The following HS3ST4 variants were observed in gnomAD, a reference collection of about 807,000 sequenced individuals.
HS3ST4 encodes heparan sulfate-glucosamine 3-sulfotransferase 4.
A neutral mutation model predicts 29.2 loss-of-function variants in HS3ST4; 17 were observed. The ratio of observed to expected loss-of-function variants is 0.58; its 90% CI spans 0.40 to 0.87. The LOEUF is 0.87. Among genes scored for constraint, HS3ST4 ranks in the 40% least tolerant of loss-of-function variants. The pLI, the probability that HS3ST4 is intolerant of heterozygous loss-of-function variation, is 0.00. For missense variants in HS3ST4, 627 were observed against 634.5 expected, an observed-to-expected ratio of 0.99 and a Z score of 0.13; for synonymous variants, 314 against 285.7, an observed-to-expected ratio of 1.10 and a Z score of -1.00.
intron 1 of HS3ST4, among the ~76,000 whole-genome samples, chr16:25,761,670 C>T (rs780366589): frequency 2.0e-5 from 3 of 152,160 alleles, no homozygotes; most frequent in African/African-American, 7.2e-5. Flanking sequence ...AAACAAAAGG[C>T]AGAGCATGTG....
At position 25,831,043 on chromosome 16, in the gene HS3ST4, G is replaced by T. The variant is rs189607588; in HGVS notation, c.734+137892G>T. 2.4e-4 allele frequency among the ~76,000 whole-genome samples: 36 copies of T among 152,268 alleles called. No homozygotes were observed. In the East Asian group the frequency reaches 6.6e-3, roughly 28 times the overall value. On this transcript the variant is annotated intron_variant, in intron 1 of 1. Transcript: ENST00000331351. ...CCTGCACTTCAGCCACCTGACTTTA[G>T]TCTTCTTTCCTTCTTCAGGCCTTTG...
chr16:25,692,614 A>G lies in HS3ST4; in HGVS notation c.197A>G (p.Gln66Arg), dbSNP rs867542564. Residue 66 changes from glutamine to arginine, a missense_variant, in exon 1 of 2, where the codon CAG (glutamine) becomes CGG (arginine). Gln to Arg is a conservative substitution (Grantham distance 43). Around this residue, in one of 2 missense-constraint regions of HS3ST4, gnomAD observed 402 missense variants for 340.8 expected, o/e 1.18. Coordinates refer to ENST00000331351, the MANE Select transcript of HS3ST4 (RefSeq NM_006040.3). ...SGSLQFPLAL[Q>R]ESPGAAAEPP... Reference sequence around the variant, plus strand: ...TCCCTGCAATTCCCTCTGGCGCTGCAGGAGTCGCCGGGCGCCGCCGCCGAG... The same window carrying G: ...TCCCTGCAATTCCCTCTGGCGCTGCGGGAGTCGCCGGGCGCCGCCGCCGAG... 2 of 1,378,810 alleles carry G rather than the reference A, an allele frequency of 1.5e-6. No homozygotes were observed. The allele number at this position is 1,378,810 out of a possible 1,614,324, so 85.4% of individuals were successfully genotyped here.
intron 1 of HS3ST4, among the ~76,000 whole-genome samples, chr16:25,913,658 G>A (rs924435236): frequency 2.0e-5 from 3 of 152,210 alleles, no homozygotes; most frequent in African/African-American, 4.8e-5. Flanking sequence ...GAGAAGAAAG[G>A]AAGGGTTACT....
intron 1 of HS3ST4, among the ~76,000 whole-genome samples, chr16:25,761,097 G>A (rs1322074657): frequency 2.6e-5 from 4 of 152,206 alleles, no homozygotes; most frequent in Admixed American, 6.5e-5. Flanking sequence ...AAGGAGTCAG[G>A]TTGGAATCAG....
At chr16:25,852,507 A>G (rs1424216586) in intron 1 of HS3ST4, among the ~76,000 whole-genome samples, 2 of 151,582 alleles carry the variant, frequency 1.3e-5, no homozygotes, top group African/African-American at 4.8e-5. Context: ...TTAGCTATTT[A>G]TATTTCTTTA....
At chr16:25,764,408 A>C (rs555392146) in intron 1 of HS3ST4, among the ~76,000 whole-genome samples, 1 of 152,342 alleles carries the variant, frequency 6.6e-6, no homozygotes, top group Admixed American at 6.5e-5. Flanking sequence ...GCTAGGGATC[A>C]CATACAGCCA....
rs117457156 is a variant in HS3ST4, at chr16:25,870,926, C to A, written c.734+177775C>A. Among the ~76,000 whole-genome samples the A allele has an allele frequency of 8.9e-3, 1,362 of 152,232 alleles. 10 individuals carry two copies. The highest frequency in any genetic ancestry group is 0.016 in the Non-Finnish European group (1,087 of 68,000). On this transcript the variant is annotated intron_variant, in intron 1 of 1. Coordinates refer to ENST00000331351, the MANE Select transcript of HS3ST4 (RefSeq NM_006040.3). ...GAGATGATGCCTGTTCCAATCTATC[C>A]TGATCCACAAAGAAAGGAGACAAAT...
At chr16:25,829,179 C>T (rs1415029031) in intron 1 of HS3ST4, among the ~76,000 whole-genome samples, 1 of 152,196 alleles carries the variant, frequency 6.6e-6, no homozygotes, top group Non-Finnish European at 1.5e-5. Context: ...AGACAGATAA[C>T]ACTTGATTGG....
At chr16:26,120,428 G>A (rs928787703) in intron 1 of HS3ST4, among the ~76,000 whole-genome samples, 2 of 152,218 alleles carry the variant, frequency 1.3e-5, no homozygotes, top group African/African-American at 2.4e-5. Flanking sequence ...TCAAGGACAA[G>A]ATAGAAGGCT....
intron 1 of HS3ST4, among the ~76,000 whole-genome samples, chr16:25,850,936 A>G (rs923281663): frequency 1.3e-5 from 2 of 152,198 alleles, no homozygotes; most frequent in Non-Finnish European, 2.9e-5. Context: ...CTGTTGGCCC[A>G]TTACAAAGTC....
chr16:25,822,393 C>T (rs1488059574), intron 1 of HS3ST4, among the ~76,000 whole-genome samples: 2 of 152,108 alleles, frequency 1.3e-5, no homozygotes, highest in Non-Finnish European at 2.9e-5. Context: ...ATACTACCAC[C>T]TCGGGGAGTT....
chr16:26,013,877 G>A (rs918480155), intron 1 of HS3ST4, among the ~76,000 whole-genome samples: 11 of 152,152 alleles, frequency 7.2e-5, no homozygotes, highest in African/African-American at 2.6e-4. Flanking sequence ...GGGTGTGGTG[G>A]CATGCCCGTA....
chr16:26,014,263 C>A (rs4346208), intron 1 of HS3ST4, among the ~76,000 whole-genome samples: 1 of 151,980 alleles, frequency 6.6e-6, no homozygotes, highest in Non-Finnish European at 1.5e-5. Flanking sequence ...GTGCCTGACA[C>A]ATTGTGGACA....
chr16:25,749,744 G>A (rs558944269), intron 1 of HS3ST4, among the ~76,000 whole-genome samples: 5 of 152,226 alleles, frequency 3.3e-5, no homozygotes, highest in Admixed American at 2.0e-4. Context: ...AAATGGGTCT[G>A]GAAACATAGA....
At chr16:25,849,644 A>C (rs1434274668) in intron 1 of HS3ST4, among the ~76,000 whole-genome samples, 1 of 152,042 alleles carries the variant, frequency 6.6e-6, no homozygotes, top group Non-Finnish European at 1.5e-5. Context: ...AGCTGGCATT[A>C]CAGGTGTGTG....
chr16:26,057,296 G>A (rs553756732), intron 1 of HS3ST4, among the ~76,000 whole-genome samples: 2 of 152,292 alleles, frequency 1.3e-5, no homozygotes, highest in East Asian at 3.9e-4. Context: ...TGCTAAAGAG[G>A]AGAGCAAACA....
At chr16:25,849,697 G>A (rs1293719907) in intron 1 of HS3ST4, among the ~76,000 whole-genome samples, 15 of 151,992 alleles carry the variant, frequency 9.9e-5, no homozygotes, top group Admixed American at 2.0e-4. Context: ...TGTAGAGACG[G>A]GGTCTCACCA....
intron 1 of HS3ST4, among the ~76,000 whole-genome samples, chr16:25,800,011 A>G (rs990441082): frequency 4.0e-5 from 6 of 151,626 alleles, no homozygotes; most frequent in Non-Finnish European, 8.8e-5. Flanking sequence ...TCTGACAGCT[A>G]TATTTTTGTT....
intron 1 of HS3ST4, among the ~76,000 whole-genome samples, chr16:26,114,975 ACT>A (rs1899181974): frequency 6.6e-6 from 1 of 151,896 alleles, no homozygotes; most frequent in Non-Finnish European, 1.5e-5. Context: ...AAACTAAAGG[ACT>A]CTCTCTAGGA....
Sources: allele counts gnomAD v4.1 joint callset (sites outside exome capture counted in the v4.1 genomes callset), GRCh38; gene constraint gnomAD v4.1.1; regional missense constraint gnomAD v4.1.1; transcripts MANE v1.5; gene names NCBI Gene and HGNC (gene_info 2026-07-23, HGNC 2026-07-21).